Variants in HPCAL1 observed in about 807,000 individuals in gnomAD.
HPCAL1 encodes hippocalcin like 1, also known as hippocalcin-like protein 1.
In HPCAL1, 8 loss-of-function variants were observed where a neutral mutation model predicts 17.1. The ratio of observed to expected loss-of-function variants is 0.47; its 90% confidence interval spans 0.27 to 0.84. HPCAL1 has a LOEUF of 0.84. Among genes scored for constraint, HPCAL1 ranks in the 40% least tolerant of loss-of-function variants. The pLI, the probability that HPCAL1 is intolerant of heterozygous loss-of-function variation, is 0.13. For synonymous variants in HPCAL1, 112 were observed against 111.4 expected, an observed-to-expected ratio of 1.01 and a Z score of -0.03; for missense variants, 165 against 271.1, an observed-to-expected ratio of 0.61 and a Z score of 2.75.
At chr2:10,425,880 G>C (rs1020962148) in intron 4 of HPCAL1, 2 of 152,434 alleles carry the variant, frequency 1.3e-5, no homozygotes, top group African/African-American at 2.4e-5. Flanking sequence ...GCTGGAGCCA[G>C]AGGGACCGCC....
At chr2:10,313,379 C>T (rs1215689931) in intron 1 of HPCAL1, among the ~76,000 whole-genome samples, 1 of 152,182 alleles carries the variant, frequency 6.6e-6, no homozygotes, top group East Asian at 1.9e-4. Context: ...CAATGTCTGC[C>T]CAGATGTGTG....
At position 10,395,732 on chromosome 2, in the gene HPCAL1, C is replaced by T. The variant is rs532714519; in HGVS notation, c.-110-1103C>T. Among the ~76,000 whole-genome samples, 6 of 152,250 alleles carry T rather than the reference C, an allele frequency of 3.9e-5. No individual in the cohort carries two copies. The highest frequency in any genetic ancestry group is 7.2e-5 in the African/African-American group (3 of 41,526). The stretch of plus-strand genomic sequence containing the variant: ...TGACTGTCAGGATTCCATCCTGGCT[C>T]GGCCCCTTGGAAGACACATGATCTT... On this transcript the variant is annotated intron_variant, in intron 1 of 4. Transcript: ENST00000307845. This position sits in a 1 kb window ranked among gnomAD's most constrained non-coding sequence, Gnocchi z 4.4.
chr2:10,397,620 G>A (rs909732171), intron 2 of HPCAL1, among the ~76,000 whole-genome samples: 25 of 152,200 alleles, frequency 1.6e-4, no homozygotes, highest in Non-Finnish European at 3.5e-4. Context: ...CTCTCCCCCA[G>A]TGTTAGCCTG....
At chr2:10,410,904 G>A (rs920990144) in intron 2 of HPCAL1, among the ~76,000 whole-genome samples, 3 of 152,120 alleles carry the variant, frequency 2.0e-5, no homozygotes, top group African/African-American at 7.2e-5. Flanking sequence ...GAATGACAGA[G>A]GGGTCACAGC....
Position 10,310,343 on chromosome 2 carries a change from C to T in HPCAL1, c.-111+7166C>T, listed in dbSNP as rs548658147. 3.3e-4 allele frequency among the ~76,000 whole-genome samples: 51 copies of T among 152,256 alleles called. 1 individual carries two copies. Among genetic ancestry groups the T allele is most frequent in the Admixed American group, 9.8e-4 (15 of 15,284 alleles). ...ATAAGTGGTGGTGGCTGCCATTACT[C>T]TTTAAGCATTCTTGGATCTAGTGCC... On this transcript the variant is annotated intron_variant, in intron 1 of 4. Coordinates refer to ENST00000307845, the MANE Select transcript of HPCAL1 (RefSeq NM_002149.4). The surrounding 1 kb of genome is among the most constrained non-coding windows in gnomAD (Gnocchi z 4.5).
intron 2 of HPCAL1, among the ~76,000 whole-genome samples, chr2:10,414,862 T>C (rs1670561402): frequency 6.6e-6 from 1 of 152,172 alleles, no homozygotes; most frequent in African/African-American, 2.4e-5. Flanking sequence ...ACTGGTCCAT[T>C]CTGCACGTGC....
intron 1 of HPCAL1, among the ~76,000 whole-genome samples, chr2:10,382,095 C>T (rs1055302969): frequency 6.6e-6 from 1 of 152,080 alleles, no homozygotes; most frequent in African/African-American, 2.4e-5. Flanking sequence ...AATATTATTC[C>T]ACAGCACTAA....
intron 1 of HPCAL1, among the ~76,000 whole-genome samples, chr2:10,338,078 A>G (rs1664828237): frequency 6.6e-6 from 1 of 152,198 alleles, no homozygotes; most frequent in Non-Finnish European, 1.5e-5. Context: ...GAAGTGGCGC[A>G]TTTAGAAGAC....
intron 1 of HPCAL1, among the ~76,000 whole-genome samples, chr2:10,315,851 A>G (rs1383140380): frequency 6.6e-6 from 1 of 152,202 alleles, no homozygotes; most frequent in Admixed American, 6.5e-5. Flanking sequence ...TACTAAAAAT[A>G]CAAATATTAG....
chr2:10,372,520 C>T (rs1173546804), intron 1 of HPCAL1, among the ~76,000 whole-genome samples: 8 of 152,096 alleles, frequency 5.3e-5, no homozygotes, highest in Non-Finnish European at 1.0e-4. Flanking sequence ...ATCGGGGAGG[C>T]GGACAGGCGA....
At chr2:10,374,629 C>T (rs370990512) in intron 1 of HPCAL1, among the ~76,000 whole-genome samples, 5 of 152,176 alleles carry the variant, frequency 3.3e-5, no homozygotes, top group South Asian at 2.1e-4. Flanking sequence ...GAGACAGACA[C>T]GGGCGTATTT....
intron 2 of HPCAL1, among the ~76,000 whole-genome samples, chr2:10,401,426 C>A (rs1395591226): frequency 6.6e-6 from 1 of 152,032 alleles, no homozygotes; most frequent in Non-Finnish European, 1.5e-5. Flanking sequence ...TTCCTAGGCC[C>A]CCAGAGGGTC....
At chr2:10,360,706 C>A (rs931479398) in intron 1 of HPCAL1, among the ~76,000 whole-genome samples, 31 of 152,284 alleles carry the variant, frequency 2.0e-4, no homozygotes, top group African/African-American at 7.5e-4. Flanking sequence ...GCCGCCCGGC[C>A]TTACCTGAAT....
chr2:10,386,029 T>TA (rs1420399876), intron 1 of HPCAL1, among the ~76,000 whole-genome samples: 3 of 152,206 alleles, frequency 2.0e-5, no homozygotes, highest in African/African-American at 7.2e-5. Context: ...TTAATGTCGA[T>TA]AACACAGCAG....
intron 1 of HPCAL1, among the ~76,000 whole-genome samples, chr2:10,337,309 A>T (rs1379329986): frequency 6.6e-6 from 1 of 152,162 alleles, no homozygotes; most frequent in Admixed American, 6.5e-5. Context: ...TTACAAGTAG[A>T]ATTGCTACAT....
At chr2:10,335,205 C>T (rs966856501) in intron 1 of HPCAL1, among the ~76,000 whole-genome samples, 1 of 152,194 alleles carries the variant, frequency 6.6e-6, no homozygotes, top group Non-Finnish European at 1.5e-5. Flanking sequence ...ACAAATAGAA[C>T]ACAGCAGGAG....
In HPCAL1 at chr2:10,323,950, C is replaced by G. The variant is rs558891475; in HGVS notation, c.-111+20773C>G. ...ACAAGAACGTAGTCTAAAGGATGTA[C>G]TTCACCATGCAAAAGCTCTTGTCAT... On this transcript the variant is annotated intron_variant, in intron 1 of 4. Coordinates refer to ENST00000307845, the MANE Select transcript of HPCAL1 (RefSeq NM_002149.4). This position sits in a 1 kb window ranked among gnomAD's most constrained non-coding sequence, Gnocchi z 4.6. 2.0e-5 allele frequency among the ~76,000 whole-genome samples: 3 copies of G among 152,238 alleles called. No individual in the cohort carries two copies. The highest frequency in any genetic ancestry group is 4.4e-5 in the Non-Finnish European group (3 of 68,050).
intron 1 of HPCAL1, among the ~76,000 whole-genome samples, chr2:10,357,531 A>G (rs1321055795): frequency 2.0e-5 from 3 of 152,138 alleles, no homozygotes; most frequent in African/African-American, 4.8e-5. Flanking sequence ...TTGGCTTTAG[A>G]TCGTCGCCTG....
chr2:10,417,845 T>G (rs6730996), intron 2 of HPCAL1, among the ~76,000 whole-genome samples: 1 of 151,366 alleles, frequency 6.6e-6, no homozygotes, highest in South Asian at 2.1e-4. Flanking sequence ...AGCTTGAGAC[T>G]GGCCTGGGCA....
Sources: gnomAD v4.1 joint callset for allele counts (sites outside exome capture counted in the v4.1 genomes callset) on GRCh38, gnomAD v4.1.1 for gene constraint, Gnocchi (gnomAD v3.1) non-coding constraint, MANE v1.5 for transcripts, NCBI Gene and HGNC (gene_info 2026-07-23, HGNC 2026-07-21) for gene names.